Variants in PPP2R3B observed in about 807,000 individuals in gnomAD.
The protein encoded by PPP2R3B is protein phosphatase 2 regulatory subunit B''beta, also known as serine/threonine-protein phosphatase 2A regulatory subunit B'' subunit beta.
Under a neutral mutation model 72.9 loss-of-function variants are expected in PPP2R3B, and 68 were observed. The ratio of observed to expected loss-of-function variants is 0.93; its 90% CI spans 0.77 to 1.14. PPP2R3B has a LOEUF of 1.14. Among genes scored for constraint, PPP2R3B ranks in the 50% most tolerant of loss-of-function variants. PPP2R3B has a pLI of 0.00. For missense variants in PPP2R3B, 1,018 were observed against 842.0 expected, an observed-to-expected ratio of 1.21 and a Z score of -2.59; for synonymous variants, 466 against 375.8, an observed-to-expected ratio of 1.24 and a Z score of -2.78.
chrX:335,575 G>A (rs1228188675), intron 12 of PPP2R3B: 1 of 152,224 alleles, frequency 6.6e-6, no homozygotes, highest in East Asian at 1.9e-4. Context: ...ACGGTAACCA[G>A]AAAGTATTTT....
In PPP2R3B at chrX:345,612, C is replaced by A; in HGVS notation, c.940G>T (p.Glu314Ter). ...INQLTEFFSYEHFYVIYCKFW... is the reference protein window; with the variant it reads ...INQLTEFFSY ...TTGCAGTAGATGACGTAGAAATGCT[C>A]GTACGAGAAGAATTCGGTCAGCTGG... Residue 314 changes from glutamate to a stop codon, truncating the protein, a stop_gained, in exon 7 of 13, where the codon GAG (glutamate) becomes TAG (stop). Transcript: ENST00000390665. LOFTEE classifies it high-confidence loss of function. 6.2e-7 allele frequency: 1 copy of A among 1,613,216 alleles called. No homozygotes were observed. The highest frequency in any genetic ancestry group is 8.5e-7 in the Non-Finnish European group (1 of 1,179,560).
chrX:359,150 G>A (rs1403866878), intron 2 of PPP2R3B, among the ~76,000 whole-genome samples: 1 of 152,136 alleles, frequency 6.6e-6, no homozygotes, highest in African/African-American at 2.4e-5. Flanking sequence ...GAGACCCTGT[G>A]GGTGGGGCCG....
In PPP2R3B at chrX:334,342, C is replaced by T. The variant is rs749798993; in HGVS notation, c.*25G>A. The T allele has an allele frequency of 4.0e-5, 59 of 1,462,172 alleles. No homozygotes were observed. Among genetic ancestry groups the T allele is most frequent in the African/African-American group, 1.9e-4 (13 of 67,666 alleles). 90.6% of individuals were successfully genotyped at this position (1,462,172 alleles called of 1,614,324 possible). On this transcript the variant is annotated 3_prime_UTR_variant, in exon 13 of 13. Coordinates refer to ENST00000390665, the MANE Select transcript of PPP2R3B (RefSeq NM_013239.5). ...GGTGGTGGCACGTGGGGAGCGGCCC[C>T]GCGGCGGCGTTCTCGCGGGCGGCGT... is the stretch of plus-strand genomic sequence containing the variant.
At chrX:376,316 C>A (rs940773944) in intron 1 of PPP2R3B, among the ~76,000 whole-genome samples, 12 of 151,924 alleles carry the variant, frequency 7.9e-5, no homozygotes, top group African/African-American at 2.7e-4. Context: ...AGTCCCACTG[C>A]CCCCCTGGAG....
chrX:367,228 T>G (rs1223118647), intron 1 of PPP2R3B, among the ~76,000 whole-genome samples: 3 of 151,836 alleles, frequency 2.0e-5, no homozygotes, highest in African/African-American at 7.3e-5. Context: ...CCTCGGCAGC[T>G]GACCACATAA....
intron 1 of PPP2R3B, among the ~76,000 whole-genome samples, chrX:375,621 G>A (rs2071974568): frequency 6.6e-6 from 1 of 152,184 alleles, no homozygotes; most frequent in African/African-American, 2.4e-5. Context: ...AACTCACAGG[G>A]CAGAGGTGCC....
rs139391991 is a variant in PPP2R3B at position 334,476 on chromosome X, G to A, written c.1619C>T (p.Ala540Val). Residue 540 changes from alanine (A) to valine (V), a missense_variant, in exon 13 of 13, where the codon GCG becomes GTG. Coordinates refer to ENST00000390665, the MANE Select transcript of PPP2R3B (RefSeq NM_013239.5). ...CCTCTGGGCCAGCGGGGAGCGCAGC[G>A]CACTCAGCTTCTGCTCCACAGGGCT... ...ELSPVEQKLS[A>V]LRSPLAQRPF... 1.4e-4 allele frequency: 230 copies of A among 1,588,974 alleles called. No homozygotes were observed. In the African/African-American group the frequency reaches 2.0e-3, roughly 14 times the overall value.
In PPP2R3B at chrX:334,612, A is replaced by G. The variant is rs2070838802; in HGVS notation, c.1578-95T>C. On this transcript the variant is annotated intron_variant, in intron 12 of 12. Coordinates refer to ENST00000390665, the MANE Select transcript of PPP2R3B (RefSeq NM_013239.5). ...ACAGGCTGCTCGGCCGCCAACCTCC[A>G]GCACGAGACAGTCCCCTGAGCCGAC... The G allele has an allele frequency of 4.6e-6, 6 of 1,314,020 alleles. No homozygotes were observed. In the Admixed American group the frequency reaches 1.9e-4, roughly 42 times the overall value. The allele number at this position is 1,314,020 out of a possible 1,614,324, so 81.4% of individuals were successfully genotyped here.
In PPP2R3B at chrX:361,454, C is replaced by T. The variant is rs180887892; in HGVS notation, c.461G>A (p.Arg154Gln). Residue 154 changes from arginine to glutamine, a missense_variant, in exon 2 of 13, where the codon CGG becomes CAG. Transcript: ENST00000390665. ...VISKIESTFA[R>Q]FPHERATMDD... ...CATGGTGGCCCTCTCGTGGGGGAACCGGGCGAAGGTGCTCTCGATCTTGCT... is the reference window on the plus strand; with the variant it reads ...CATGGTGGCCCTCTCGTGGGGGAACTGGGCGAAGGTGCTCTCGATCTTGCT... 63 of 1,613,968 alleles carry T rather than the reference C, an allele frequency of 3.9e-5. No individual in the cohort carries two copies. Among genetic ancestry groups the T allele is most frequent in the Middle Eastern group, 3.3e-4 (2 of 6,056 alleles).
intron 1 of PPP2R3B, among the ~76,000 whole-genome samples, chrX:385,007 C>T (rs1192174496): frequency 1.8e-5 from 2 of 109,526 alleles, no homozygotes; most frequent in Admixed American, 9.0e-5. Flanking sequence ...AAAAAAAAAA[C>T]TGATTGCAAT....
chrX:361,471 G>A lies in PPP2R3B; in HGVS notation c.444C>T (p.Ile148=), dbSNP rs778150774. The A allele has an allele frequency of 6.8e-6, 11 of 1,613,870 alleles. No individual in the cohort carries two copies. The highest frequency in any genetic ancestry group is 1.6e-4 in the Middle Eastern group (1 of 6,078). The part of the protein sequence containing the change: ...SVNVDAVISK[I]ESTFARFPHE... ...GGGGGAACCGGGCGAAGGTGCTCTC[G>A]ATCTTGCTGATGACGGCATCCACGT... Residue 148 remains isoleucine (I), a synonymous_variant, in exon 2 of 13, where the codon ATC becomes ATT. Transcript: ENST00000390665.
At chrX:373,695 G>A in intron 1 of PPP2R3B, 1 of 163,072 alleles carries the variant, frequency 6.1e-6, no homozygotes, top group Non-Finnish European at 1.3e-5. Flanking sequence ...GCCGGGCCGG[G>A]CGCCGCGCTC....
intron 1 of PPP2R3B, among the ~76,000 whole-genome samples, chrX:365,164 G>C (rs1281889996): frequency 1.3e-5 from 1 of 75,886 alleles, no homozygotes; most frequent in African/African-American, 5.1e-5. Flanking sequence ...AGTGAGCTGA[G>C]ATCGCACTAC....
intron 1 of PPP2R3B, among the ~76,000 whole-genome samples, chrX:369,012 C>G (rs2071797009): frequency 6.6e-6 from 1 of 152,238 alleles, no homozygotes; most frequent in Admixed American, 6.5e-5. Context: ...CAGAAATAGA[C>G]TCGGCCCCAG....
intron 1 of PPP2R3B, among the ~76,000 whole-genome samples, chrX:386,057 G>A (rs929089602): frequency 1.3e-5 from 2 of 151,980 alleles, no homozygotes; most frequent in African/African-American, 4.8e-5. Flanking sequence ...ACTCCAGCCT[G>A]GGCAACAGAG....
intron 2 of PPP2R3B, among the ~76,000 whole-genome samples, chrX:356,177 T>C (rs2071430180): frequency 6.6e-6 from 1 of 152,176 alleles, no homozygotes; most frequent in Non-Finnish European, 1.5e-5. Context: ...TGCCTGGAAA[T>C]GCGTCACTCA....
At chrX:337,512 C>T (rs1375157936) in intron 12 of PPP2R3B, 1 of 152,338 alleles carries the variant, frequency 6.6e-6, no homozygotes, top group Non-Finnish European at 1.5e-5. Flanking sequence ...CCAGCGTGCA[C>T]CACGGGAGGC....
intron 5 of PPP2R3B, 58 bp downstream of exon 5, chrX:346,643 G>T: frequency 2.0e-6 from 3 of 1,516,776 alleles, no homozygotes; most frequent in Middle Eastern, 2.4e-4. Context: ...CGCGGCGGCC[G>T]CTGCAGAAAC....
Position 353,950 on chromosome X carries a change from GGGGCTCACCCAAAGACCA to G in PPP2R3B, c.511-6275_511-6258del, listed in dbSNP as rs1460958503. Among the ~76,000 whole-genome samples the G allele has an allele frequency of 5.0e-3, 695 of 139,994 alleles. 37 individuals carry two copies. The highest frequency in any genetic ancestry group is 0.026 in the East Asian group (100 of 3,910). 91.8% of individuals were successfully genotyped at this position (139,994 alleles called of 152,430 possible). On this transcript the variant is annotated intron_variant, in intron 2 of 12. Coordinates refer to ENST00000390665, the MANE Select transcript of PPP2R3B (RefSeq NM_013239.5). ...GGACCGGGGGCTCACCCAGGGAGCA[GGGGCTCACCCAAAGACCA>G]GGGCTCACCCAAAGACCAGGGCTCA...
Sources: allele counts gnomAD v4.1 joint callset (sites outside exome capture counted in the v4.1 genomes callset), GRCh38; gene constraint gnomAD v4.1.1; transcripts MANE v1.5; gene names NCBI Gene and HGNC (gene_info 2026-07-23, HGNC 2026-07-21).